Variants in SPHKAP observed in about 807,000 individuals in gnomAD.
The protein encoded by SPHKAP is SPHK1 interactor, AKAP domain containing.
A neutral mutation model predicts 137.5 loss-of-function variants in SPHKAP; 67 were observed. The ratio of observed to expected loss-of-function variants is 0.49; its 90% confidence interval spans 0.40 to 0.60. SPHKAP has a LOEUF of 0.60. Among genes scored for constraint, SPHKAP ranks in the 20% least tolerant of loss-of-function variants. The probability of loss-of-function intolerance (pLI) is 0.00; values close to 1 mark genes in which losing one functional copy is unlikely to be tolerated. For synonymous variants in SPHKAP, 813 were observed against 785.3 expected (o/e 1.04, Z -0.59); for missense variants, 2,097 against 2,069.3 (o/e 1.01, Z -0.26).
intron 3 of SPHKAP, among the ~76,000 whole-genome samples, chr2:228,070,325 G>A (rs1696965431): frequency 6.6e-6 from 1 of 152,194 alleles, no homozygotes; most frequent in African/African-American, 2.4e-5. Flanking sequence ...TGGTCCTACT[G>A]TCTCAAGGGC....
chr2:228,054,674 A>C (rs1696375613), intron 3 of SPHKAP, among the ~76,000 whole-genome samples: 1 of 152,146 alleles, frequency 6.6e-6, no homozygotes, highest in East Asian at 1.9e-4. Flanking sequence ...AGCACCTTGG[A>C]AAAGGTCCCA....
At chr2:228,032,718 A>C (rs1695387676) in intron 3 of SPHKAP, among the ~76,000 whole-genome samples, 1 of 152,226 alleles carries the variant, frequency 6.6e-6, no homozygotes, top group Non-Finnish European at 1.5e-5. Flanking sequence ...GTAGGGACCA[A>C]TATTCAACAT....
intron 8 of SPHKAP, among the ~76,000 whole-genome samples, chr2:227,995,300 G>T (rs1207097344): frequency 6.6e-6 from 1 of 152,104 alleles, no homozygotes; most frequent in East Asian, 1.9e-4. Flanking sequence ...TCTTAATCAC[G>T]GCCAAAGTAA....
At chr2:228,084,359 A>G (rs1697471343) in intron 3 of SPHKAP, among the ~76,000 whole-genome samples, 1 of 152,216 alleles carries the variant, frequency 6.6e-6, no homozygotes, top group African/African-American at 2.4e-5. Context: ...CCGAAAGGTC[A>G]TCTCTGCACA....
intron 4 of SPHKAP, chr2:228,025,958 T>G: frequency 1.5e-6 from 1 of 680,616 alleles, no homozygotes; most frequent in Non-Finnish European, 1.8e-6. Flanking sequence ...TTGCCACGTG[T>G]TGTGGGAGGG....
chr2:227,982,841 C>A (rs1387748496), intron 11 of SPHKAP, among the ~76,000 whole-genome samples: 1 of 152,184 alleles, frequency 6.6e-6, no homozygotes, highest in Non-Finnish European at 1.5e-5. Context: ...ACTATGCCTG[C>A]ACATAGTAGG....
At chr2:227,982,051 A>ATTTTTTTTTTTTTT (rs3082640) in intron 11 of SPHKAP, 191 bp from the exon 12 acceptor site, 1 of 860,744 alleles carries the variant, frequency 1.2e-6, no homozygotes. Flanking sequence ...CATCAAGTGA[A>ATTTTTTTTTTTTTT]TTTTTTTTTT....
chr2:228,134,144 A>AAG (rs1369780147), intron 1 of SPHKAP, among the ~76,000 whole-genome samples: 1 of 147,698 alleles, frequency 6.8e-6, no homozygotes, highest in Non-Finnish European at 1.5e-5. Flanking sequence ...GAGAAAGAGA[A>AAG]AGAAAGAGGA....
intron 3 of SPHKAP, among the ~76,000 whole-genome samples, chr2:228,053,324 A>G (rs1477053255): frequency 4.6e-5 from 7 of 152,230 alleles, no homozygotes; most frequent in Non-Finnish European, 8.8e-5. Context: ...CCCTATTTCC[A>G]AATACAGTCA....
At chr2:228,026,142 A>G (rs1051262647) in intron 4 of SPHKAP, among the ~76,000 whole-genome samples, 8 of 152,146 alleles carry the variant, frequency 5.3e-5, no homozygotes, top group African/African-American at 1.4e-4. Flanking sequence ...CTTGCCTTCC[A>G]TCATGATTGT....
chr2:228,024,999 G>A (rs764512152), intron 5 of SPHKAP, among the ~76,000 whole-genome samples: 1 of 152,048 alleles, frequency 6.6e-6, no homozygotes, highest in Non-Finnish European at 1.5e-5. Context: ...TACCTCCTAA[G>A]GAATACATAA....
intron 1 of SPHKAP, among the ~76,000 whole-genome samples, chr2:228,167,899 T>C (rs1700465791): frequency 1.3e-5 from 2 of 152,110 alleles, no homozygotes; most frequent in South Asian, 4.1e-4. Context: ...TTGTAATATC[T>C]GAGAAAAATA....
chr2:228,168,790 T>C (rs1158686665), intron 1 of SPHKAP, among the ~76,000 whole-genome samples: 1 of 152,128 alleles, frequency 6.6e-6, no homozygotes, highest in Non-Finnish European at 1.5e-5. Flanking sequence ...GGAAGGGATA[T>C]TGAAAGCTGA....
At chr2:227,987,703 C>CT (rs34906572) in intron 11 of SPHKAP, among the ~76,000 whole-genome samples, 72,189 of 151,874 alleles carry the variant, frequency 0.48, 17,516 homozygotes, top group East Asian at 0.66. Flanking sequence ...TTTAGGTGCC[C>CT]CCAACTCCAA....
intron 3 of SPHKAP, among the ~76,000 whole-genome samples, chr2:228,104,263 T>TATTA (rs57905140): frequency 1.3e-5 from 1 of 79,548 alleles, no homozygotes; most frequent in African/African-American, 4.7e-5. Context: ...ATATATATCA[T>TATTA]TATATTATAT....
At chr2:228,076,072 TAA>T (rs1697172323) in intron 3 of SPHKAP, among the ~76,000 whole-genome samples, 2 of 152,164 alleles carry the variant, frequency 1.3e-5, no homozygotes, top group Non-Finnish European at 2.9e-5. Flanking sequence ...CTGATAATTC[TAA>T]AAATGGGAGT....
At chr2:228,090,096 C>A (rs1559167454) in intron 3 of SPHKAP, among the ~76,000 whole-genome samples, 1 of 152,178 alleles carries the variant, frequency 6.6e-6, no homozygotes, top group Non-Finnish European at 1.5e-5. Context: ...GTAACCTCAG[C>A]ATGGAAAAAC....
intron 3 of SPHKAP, among the ~76,000 whole-genome samples, chr2:228,070,348 T>A (rs1434071246): frequency 6.6e-6 from 1 of 152,128 alleles, no homozygotes; most frequent in Non-Finnish European, 1.5e-5. Flanking sequence ...TAAAGGTGGA[T>A]GAAGTAGAGG....
intron 2 of SPHKAP, among the ~76,000 whole-genome samples, chr2:228,126,168 C>G (rs550499015): frequency 2.0e-5 from 3 of 152,080 alleles, no homozygotes; most frequent in African/African-American, 7.2e-5. Flanking sequence ...AGGGGGAGAA[C>G]TTTAGGGCTC....
Sources: allele counts gnomAD v4.1 joint callset (sites outside exome capture counted in the v4.1 genomes callset), GRCh38; gene constraint gnomAD v4.1.1; transcripts MANE v1.5; gene names NCBI Gene and HGNC (gene_info 2026-07-23, HGNC 2026-07-21).